BRD10: variants seen among roughly 807,000 people sequenced by gnomAD.
BRD10 encodes the protein bromodomain containing 10, also known as uncharacterized bromodomain-containing protein 10.
chr9:5,919,652 A>G, the BRD10 span: 9 of 1,554,678 alleles, frequency 5.8e-6, no homozygotes, highest in South Asian at 6.1e-5. Context: ...ACAATGCCCC[A>G]TTATTTAAAA....
At chr9:6,007,998 G>A in the BRD10 span, 1 of 1,273,724 alleles carries the variant, frequency 7.9e-7, no homozygotes. Context: ...GCGAGGAGGG[G>A]GGAGAGAAGA....
the BRD10 span, chr9:5,910,004 A>G: frequency 6.6e-6 from 1 of 152,224 alleles, no homozygotes; most frequent in Non-Finnish European, 1.5e-5. Context: ...ATAGTAGAGG[A>G]TAACTATAAC....
the BRD10 span, among the ~76,000 whole-genome samples, chr9:5,987,172 T>C: frequency 1.3e-5 from 2 of 151,500 alleles, no homozygotes; most frequent in East Asian, 3.9e-4. Context: ...TTAGCCATTC[T>C]TTTTTTTTAT....
At chr9:5,962,505 C>A in the BRD10 span, among the ~76,000 whole-genome samples, 1 of 56,652 alleles carries the variant, frequency 1.8e-5, no homozygotes, top group Non-Finnish European at 3.9e-5. Flanking sequence ...ACCATTCCTT[C>A]TGAAACTATT....
the BRD10 span, among the ~76,000 whole-genome samples, chr9:5,902,121 C>T: frequency 3.3e-5 from 5 of 152,314 alleles, 1 homozygote; most frequent in South Asian, 1.0e-3. Flanking sequence ...GAACTCACCA[C>T]TGAACTCATC....
chr9:5,935,037 A>C, the BRD10 span, among the ~76,000 whole-genome samples: 1 of 152,172 alleles, frequency 6.6e-6, no homozygotes, highest in Non-Finnish European at 1.5e-5. Context: ...TGGGGGTAAA[A>C]CATCATGTTA....
chr9:5,911,178 C>G, the BRD10 span, among the ~76,000 whole-genome samples: 370 of 152,264 alleles, frequency 2.4e-3, 1 homozygote, highest in African/African-American at 8.6e-3. Context: ...AATTTGAGGT[C>G]TTAGATTTAA....
chr9:5,928,938 G>A, the BRD10 span: 596 of 587,198 alleles, frequency 1.0e-3, 4 homozygotes, highest in South Asian at 5.6e-3. Context: ...AATATCTGCC[G>A]AATTACAAAT....
At chr9:5,950,451 C>A in the BRD10 span, among the ~76,000 whole-genome samples, 29 of 152,268 alleles carry the variant, frequency 1.9e-4, no homozygotes, top group East Asian at 9.7e-4. Context: ...AAATACCTTA[C>A]CCCACAGAGT....
the BRD10 span, among the ~76,000 whole-genome samples, chr9:5,980,131 T>A: frequency 6.6e-6 from 1 of 152,172 alleles, no homozygotes; most frequent in African/African-American, 2.4e-5. Flanking sequence ...TTTTAGGTCA[T>A]CATTATAAAC....
the BRD10 span, among the ~76,000 whole-genome samples, chr9:5,986,784 G>C: frequency 2.6e-5 from 4 of 152,230 alleles, no homozygotes; most frequent in South Asian, 6.2e-4. Context: ...ATGTTTATTT[G>C]ATGTCAGGGC....
the BRD10 span, chr9:5,892,557 T>C: frequency 6.2e-7 from 1 of 1,612,108 alleles, no homozygotes; most frequent in South Asian, 1.1e-5. Flanking sequence ...GAAGAGTAAG[T>C]TCAAAACCAG....
At chr9:6,008,366 G>GGGGAGAAAGGGGAGGGGCA in the BRD10 span, 2 of 950,372 alleles carry the variant, frequency 2.1e-6, no homozygotes, top group African/African-American at 3.5e-5. Flanking sequence ...GGCGGTGAGG[G>GGGGAGAAAGGGGAGGGGCA]GGGAGAAAGG....
At chr9:5,997,288 C>T in the BRD10 span, among the ~76,000 whole-genome samples, 1 of 152,242 alleles carries the variant, frequency 6.6e-6, no homozygotes, top group East Asian at 1.9e-4. Context: ...GAGAAGAATA[C>T]CACTCTTATT....
the BRD10 span, among the ~76,000 whole-genome samples, chr9:5,966,710 G>A: frequency 2.0e-5 from 3 of 151,628 alleles, no homozygotes; most frequent in East Asian, 1.9e-4. Flanking sequence ...TGCCCCCCTC[G>A]GCCTCCCAAA....
chr9:5,924,769 T>G, the BRD10 span: 1 of 1,605,204 alleles, frequency 6.2e-7, no homozygotes, highest in South Asian at 1.1e-5. Flanking sequence ...CCTTCATCAG[T>G]GGTCCATAGT....
chr9:5,914,732 T>C, the BRD10 span, among the ~76,000 whole-genome samples: 1 of 152,068 alleles, frequency 6.6e-6, no homozygotes, highest in Non-Finnish European at 1.5e-5. Context: ...CAAATCTAGA[T>C]GGTTTTAATA....
the BRD10 span, chr9:5,933,989 G>A: frequency 5.9e-6 from 2 of 338,162 alleles, no homozygotes; most frequent in African/African-American, 2.1e-5. Context: ...TTAAACTTAG[G>A]TGAAAGTCAC....
chr9:5,944,894 G>A, the BRD10 span: 1 of 1,537,720 alleles, frequency 6.5e-7, no homozygotes, highest in South Asian at 1.2e-5. Flanking sequence ...CTGTTTTCCA[G>A]ATCTTTGAGT....
Sources: allele counts gnomAD v4.1 joint callset (sites outside exome capture counted in the v4.1 genomes callset), GRCh38; gene constraint gnomAD v4.1.1; transcripts MANE v1.5; gene names NCBI Gene and HGNC (gene_info 2026-07-23, HGNC 2026-07-21).